Variants in NKAIN3 observed in about 807,000 individuals in gnomAD.
NKAIN3 encodes sodium/potassium transporting ATPase interacting 3.
NKAIN3 carries 25 observed loss-of-function variants against 30.2 expected under a neutral mutation model. The observed-to-expected ratio is 0.83, with a 90% confidence interval of 0.60 to 1.16. The LOEUF (loss-of-function observed/expected upper bound fraction) is 1.16, where lower values mean the gene tolerates loss of function less well. NKAIN3 is among the 50% of genes most tolerant of loss of function. NKAIN3 has a pLI of 0.00. For synonymous variants in NKAIN3, 91 were observed against 89.6 expected, an observed-to-expected ratio of 1.02 and a Z score of -0.09; for missense variants, 225 against 254.1, an observed-to-expected ratio of 0.89 and a Z score of 0.78.
chr8:62,522,243 C>T (rs1808181430), intron 1 of NKAIN3, among the ~76,000 whole-genome samples: 1 of 152,068 alleles, frequency 6.6e-6, no homozygotes, highest in Admixed American at 6.6e-5. Flanking sequence ...TTCCTATCGC[C>T]TAATGATACT....
chr8:62,845,578 C>T (rs538852451), intron 4 of NKAIN3, among the ~76,000 whole-genome samples: 1 of 151,980 alleles, frequency 6.6e-6, no homozygotes, highest in South Asian at 2.1e-4. Context: ...GTAGCTTACA[C>T]ATTTATTACT....
chr8:62,351,725 A>G (rs1047883201), intron 1 of NKAIN3, among the ~76,000 whole-genome samples: 1 of 152,210 alleles, frequency 6.6e-6, no homozygotes, highest in African/African-American at 2.4e-5. Context: ...GCATCATAAT[A>G]TGAAATTGAC....
chr8:62,502,755 A>G (rs189403783), intron 1 of NKAIN3, among the ~76,000 whole-genome samples: 5 of 152,300 alleles, frequency 3.3e-5, no homozygotes, highest in African/African-American at 9.6e-5. Flanking sequence ...CATATGTAGC[A>G]GCTTGATGGG....
At chr8:62,560,743 G>C (rs1331150512) in intron 1 of NKAIN3, among the ~76,000 whole-genome samples, 1 of 151,434 alleles carries the variant, frequency 6.6e-6, no homozygotes, top group Non-Finnish European at 1.5e-5. Context: ...GTTTCACCAT[G>C]GTGGCCAGGC....
At position 62,640,834 on chromosome 8, in the gene NKAIN3, G is replaced by C. The variant is rs184279015; in HGVS notation, c.273+51040G>C. 1.3e-3 allele frequency among the ~76,000 whole-genome samples: 194 copies of C among 152,152 alleles called. 1 individual carries two copies. Among genetic ancestry groups the C allele is most frequent in the Non-Finnish European group, 2.3e-3 (157 of 67,984 alleles). On this transcript the variant is annotated intron_variant, in intron 3 of 6. Transcript: ENST00000623646. Reference sequence around the variant, plus strand: ...CGAATCTGGTCTAGGACCTGAAGAAGCACTGGTGTGAGGTGGCTGTTTCTA... The same window carrying C: ...CGAATCTGGTCTAGGACCTGAAGAACCACTGGTGTGAGGTGGCTGTTTCTA...
intron 4 of NKAIN3, among the ~76,000 whole-genome samples, chr8:62,821,365 T>C (rs11984579): frequency 0.02 from 3,049 of 152,286 alleles, 113 homozygotes; most frequent in African/African-American, 0.07. Context: ...TCAGTTTTTA[T>C]ACTCAAACAC....
At chr8:62,618,186 C>T (rs1256701634) in intron 3 of NKAIN3, among the ~76,000 whole-genome samples, 1 of 152,172 alleles carries the variant, frequency 6.6e-6, no homozygotes, top group East Asian at 1.9e-4. Context: ...TCCTTCATGG[C>T]ACCATTCATC....
intron 1 of NKAIN3, among the ~76,000 whole-genome samples, chr8:62,511,498 G>A (rs1232126561): frequency 1.3e-5 from 2 of 152,248 alleles, no homozygotes; most frequent in African/African-American, 2.4e-5. Context: ...GTAGCAAAAT[G>A]ATTTTTTCTA....
intron 1 of NKAIN3, among the ~76,000 whole-genome samples, chr8:62,537,155 T>A (rs1458917305): frequency 6.6e-6 from 1 of 152,124 alleles, no homozygotes; most frequent in Non-Finnish European, 1.5e-5. Context: ...ACTAACAATA[T>A]CTTGGCAATT....
intron 3 of NKAIN3, among the ~76,000 whole-genome samples, chr8:62,652,690 T>G (rs1812660628): frequency 6.6e-6 from 1 of 152,210 alleles, no homozygotes; most frequent in Non-Finnish European, 1.5e-5. Context: ...ATGTGGATGC[T>G]CAAGCTTTAC....
intron 3 of NKAIN3, among the ~76,000 whole-genome samples, chr8:62,605,991 AT>A (rs376592589): frequency 1.2e-4 from 19 of 152,264 alleles, no homozygotes; most frequent in African/African-American, 4.6e-4. Context: ...AGCAAAGAAC[AT>A]TATAGCAAAT....
chr8:62,864,079 A>G, intron 4 of NKAIN3: 1 of 661,068 alleles, frequency 1.5e-6, no homozygotes, highest in Non-Finnish European at 2.7e-6. Flanking sequence ...CCTGGAGCTC[A>G]TTCCGACGCG....
chr8:62,746,932 G>C lies in NKAIN3; in HGVS notation c.274G>C (p.Asp92His). Residue 92 changes from aspartate to histidine, a missense_variant and splice_region_variant, in exon 4 of 7, where the codon GAC becomes CAC. Asp to His is a moderately conservative substitution (Grantham distance 81). Coordinates refer to ENST00000623646, the MANE Select transcript of NKAIN3 (RefSeq NM_001304533.3). ...FYLEVGGLSK[D>H]TDLMTFNISV... ...GCTCTTTTGTCTCCTACCCACCTAG[G>C]ACACCGATCTAATGACATTCAATAT... The C allele has an allele frequency of 6.3e-7, 1 of 1,594,756 alleles. No homozygotes were observed. Among genetic ancestry groups the C allele is most frequent in the Non-Finnish European group, 8.6e-7 (1 of 1,164,356 alleles).
In NKAIN3 at chr8:62,578,474, G is replaced by A. The variant is rs558323560; in HGVS notation, c.55-1065G>A. ...GATCTCAATAAAATGTGATTCAAGG[G>A]GGTTAACTCTAGTTTTAGATCAGAG... On this transcript the variant is annotated intron_variant, in intron 1 of 6. Transcript: ENST00000623646. Among the ~76,000 whole-genome samples the A allele has an allele frequency of 5.3e-5, 8 of 152,098 alleles. No homozygotes were observed. In the South Asian group the frequency reaches 1.0e-3, roughly 20 times the overall value.
chr8:62,549,104 A>C (rs900553974), intron 1 of NKAIN3, among the ~76,000 whole-genome samples: 1 of 152,160 alleles, frequency 6.6e-6, no homozygotes, highest in African/African-American at 2.4e-5. Context: ...TTTTTTCTAG[A>C]TTATGTTCAT....
chr8:62,573,254 T>C (rs901951102), intron 1 of NKAIN3, among the ~76,000 whole-genome samples: 4 of 152,182 alleles, frequency 2.6e-5, no homozygotes, highest in African/African-American at 9.7e-5. Flanking sequence ...TTTTTTACAA[T>C]TTGATTCTTA....
At chr8:62,711,150 T>G (rs1814705589) in intron 3 of NKAIN3, among the ~76,000 whole-genome samples, 1 of 152,172 alleles carries the variant, frequency 6.6e-6, no homozygotes, top group South Asian at 2.1e-4. Flanking sequence ...CTGGTACTTC[T>G]GTCTCACAGC....
At chr8:62,263,369 T>A (rs1337660591) in intron 1 of NKAIN3, among the ~76,000 whole-genome samples, 1 of 152,158 alleles carries the variant, frequency 6.6e-6, no homozygotes, top group African/African-American at 2.4e-5. Context: ...TAATCTGGAA[T>A]GTACATTTGG....
intron 1 of NKAIN3, among the ~76,000 whole-genome samples, chr8:62,546,867 A>G (rs1468967332): frequency 1.3e-5 from 2 of 152,210 alleles, no homozygotes; most frequent in Non-Finnish European, 2.9e-5. Context: ...AGAAAGCAGC[A>G]CAGCTTTAAA....
Sources: allele counts gnomAD v4.1 joint callset (sites outside exome capture counted in the v4.1 genomes callset), GRCh38; gene constraint gnomAD v4.1.1; transcripts MANE v1.5; gene names NCBI Gene and HGNC (gene_info 2026-07-23, HGNC 2026-07-21).